CRYBB2: variants seen among roughly 807,000 people sequenced by gnomAD.
CRYBB2 encodes the protein crystallin beta B2.
A neutral mutation model predicts 24.3 loss-of-function variants in CRYBB2; 12 were observed. That is an observed-to-expected ratio of 0.49 (90% CI 0.32 to 0.80). The LOEUF (loss-of-function observed/expected upper bound fraction) is 0.80. CRYBB2 is among the 30% of genes least tolerant of loss of function. The probability of loss-of-function intolerance (pLI) is 0.04; values close to 1 mark genes in which losing one functional copy is unlikely to be tolerated. For missense variants in CRYBB2, 198 were observed against 268.5 expected, an observed-to-expected ratio of 0.74 and a Z score of 1.83; for synonymous variants, 98 against 101.6, an observed-to-expected ratio of 0.96 and a Z score of 0.21.
At chr22:25,218,852 G>GA (rs1419880824), upstream of CRYBB2, among the ~76,000 whole-genome samples, 2 of 146,000 alleles carry the variant, frequency 1.4e-5, no homozygotes, top group African/African-American at 2.6e-5. Flanking sequence ...AAGAAAGAAA[G>GA]AAAGAAAAGA....
chr22:25,226,673 GTTTGT>G (rs763839375), intron 3 of CRYBB2, among the ~76,000 whole-genome samples: 4 of 151,934 alleles, frequency 2.6e-5, no homozygotes, highest in Non-Finnish European at 5.9e-5. Context: ...TTGTTTGTTT[GTTTGT>G]TTTGTTTTGT....
At chr22:25,224,761 C>T (rs1049904869) in intron 2 of CRYBB2, among the ~76,000 whole-genome samples, 157 bp from the exon 3 acceptor site, 1 of 152,142 alleles carries the variant, frequency 6.6e-6, no homozygotes, top group African/African-American at 2.4e-5. Context: ...CTGCTTATAG[C>T]CAGAGCCAGG....
chr22:25,226,186 G>C lies in CRYBB2; in HGVS notation c.173+1150G>C, dbSNP rs1601421310. Among the ~76,000 whole-genome samples the C allele has an allele frequency of 6.6e-5, 10 of 151,868 alleles. No homozygotes were observed. In the South Asian group the frequency reaches 2.1e-3, roughly 32 times the overall value. On this transcript the variant is annotated intron_variant, in intron 3 of 5. Coordinates refer to ENST00000398215, the MANE Select transcript of CRYBB2 (RefSeq NM_000496.3). Reference sequence around the variant, plus strand: ...GATTTCTCTGTGTGTGTGTGTGTGTGTGTGTGTGTGTGTGTGTGTGTATAA... The same window carrying C: ...GATTTCTCTGTGTGTGTGTGTGTGTCTGTGTGTGTGTGTGTGTGTGTATAA...
At chr22:25,217,052 C>T (rs568097021), upstream of CRYBB2, among the ~76,000 whole-genome samples, 6 of 152,184 alleles carry the variant, frequency 3.9e-5, no homozygotes, top group South Asian at 4.2e-4. Context: ...TTCCATCTTT[C>T]GGCTATTGTG....
At position 25,229,437 on chromosome 22, in the gene CRYBB2, A is replaced by G; in HGVS notation, c.308A>G (p.Asp103Gly). Residue 103 changes from aspartate (D) to glycine (G), a missense_variant and splice_region_variant, in exon 5 of 6, where the codon GAC (aspartate) becomes GGC (glycine). Physicochemically the swap from Asp to Gly is moderately conservative, Grantham distance 94 (BLOSUM62 -1). Transcript: ENST00000398215. Reference sequence around the variant, plus strand: ...CTTCCCCCCATCCTCTGCCAATAGGACAGCCAAGAGCACAAGATCATCCTC... The same window carrying G: ...CTTCCCCCCATCCTCTGCCAATAGGGCAGCCAAGAGCACAAGATCATCCTC... ...SLSSLRPIKV[D>G]SQEHKIILYE... 1.2e-6 allele frequency: 2 copies of G among 1,608,578 alleles called. No individual in the cohort carries two copies. The highest frequency in any genetic ancestry group is 1.7e-6 in the Non-Finnish European group (2 of 1,177,448).
intron 2 of CRYBB2, among the ~76,000 whole-genome samples, chr22:25,224,120 T>G: frequency 1.5e-5 from 2 of 130,940 alleles, no homozygotes; most frequent in Admixed American, 7.5e-5. Flanking sequence ...TGAGACTCCG[T>G]CTCAAAAAAA....
At chr22:25,218,736 GGAGAGAGAGAGAGAGA>G (rs71191034), upstream of CRYBB2, among the ~76,000 whole-genome samples, 3 of 35,334 alleles carry the variant, frequency 8.5e-5, no homozygotes, top group East Asian at 2.0e-3. Flanking sequence ...GAGAGAGAGG[GGAGAGAGAGAGAGAGA>G]GAGAGAGAGA....
intron 5 of CRYBB2, among the ~76,000 whole-genome samples, chr22:25,230,914 G>A (rs1935520424): frequency 6.6e-6 from 1 of 152,110 alleles, no homozygotes. Flanking sequence ...CAGGGGTAAA[G>A]AGGCCAAGGA....
chr22:25,222,976 C>T (rs1324340761), intron 2 of CRYBB2, among the ~76,000 whole-genome samples: 1 of 152,078 alleles, frequency 6.6e-6, no homozygotes, highest in Non-Finnish European at 1.5e-5. Context: ...GCTCAGTAGC[C>T]ATATGTTACT....
At chr22:25,219,498 T>C (rs972381312), upstream of CRYBB2, 2 of 152,268 alleles carry the variant, frequency 1.3e-5, no homozygotes, top group Non-Finnish European at 2.9e-5. Context: ...ACAATGTCTG[T>C]GGGCATTTGC....
At chr22:25,231,460 T>C in intron 5 of CRYBB2, 144 bp from the exon 6 acceptor site, 1 of 796,914 alleles carries the variant, frequency 1.3e-6, no homozygotes, top group Non-Finnish European at 2.2e-6. Context: ...GTGTCCTGCT[T>C]ACCCTTGGGA....
Position 25,224,951 on chromosome 22 carries a change from C to CA in CRYBB2, c.89dup (p.His30GlnfsTer4). 6.2e-7 allele frequency: 1 copy of CA among 1,611,264 alleles called. No homozygotes were observed. Among genetic ancestry groups the CA allele is most frequent in the Non-Finnish European group, 8.5e-7 (1 of 1,177,350 alleles). On this transcript the variant is annotated frameshift_variant, in exon 3 of 6. Transcript: ENST00000398215. LOFTEE classifies it high-confidence loss of function. ...CTTTGAGCAGGAAAACTTTCAAGGC[C>CA]ACTCGCATGAGCTCAATGGGCCCTG...
chr22:25,218,802 G>GAAAGAA (rs1569016355), upstream of CRYBB2, among the ~76,000 whole-genome samples: 2 of 110,308 alleles, frequency 1.8e-5, 1 homozygote, highest in African/African-American at 7.7e-5. Flanking sequence ...AAGAAAGAAA[G>GAAAGAA]AAAGAAAGAA....
At chr22:25,216,744 A>G (rs1935174368), upstream of CRYBB2, among the ~76,000 whole-genome samples, 1 of 152,088 alleles carries the variant, frequency 6.6e-6, no homozygotes, top group Non-Finnish European at 1.5e-5. Context: ...CCATCATCCC[A>G]AACAGAAACT....
intron 1 of CRYBB2, among the ~76,000 whole-genome samples, chr22:25,214,414 T>G (rs896289664): frequency 1.3e-5 from 2 of 152,204 alleles, no homozygotes; most frequent in African/African-American, 4.8e-5. Context: ...GGGGACCCTA[T>G]CTGTATTGCT....
chr22:25,217,686 C>T (rs572719553), upstream of CRYBB2, among the ~76,000 whole-genome samples: 30 of 152,256 alleles, frequency 2.0e-4, no homozygotes, highest in African/African-American at 7.0e-4. Flanking sequence ...CATGGTAAAC[C>T]AGGGGGACAA....
At chr22:25,224,098 T>C (rs1265212294) in intron 2 of CRYBB2, among the ~76,000 whole-genome samples, 2 of 137,070 alleles carry the variant, frequency 1.5e-5, no homozygotes, top group Admixed American at 7.8e-5. Flanking sequence ...CACTCCAGCC[T>C]GGGCGACAGA....
chr22:25,231,592 C>A lies in CRYBB2; in HGVS notation c.450-12C>A, dbSNP rs749917905. 5 of 1,614,014 alleles carry A rather than the reference C, an allele frequency of 3.1e-6. No individual in the cohort carries two copies. Among genetic ancestry groups the A allele is most frequent in the Admixed American group, 1.7e-5 (1 of 60,034 alleles). On this transcript the variant is annotated splice_polypyrimidine_tract_variant and intron_variant, in intron 5 of 5. Coordinates refer to ENST00000398215, the MANE Select transcript of CRYBB2 (RefSeq NM_000496.3). ...CCCCTCGTTCACCCTCCCATCACCT[C>A]TGGCCCTGCAGGTGGGTTGGCTACC...
chr22:25,219,417 C>G (rs2013616764), upstream of CRYBB2: 1 of 152,314 alleles, frequency 6.6e-6, no homozygotes, highest in East Asian at 1.9e-4. Context: ...AAGCGGGCAT[C>G]TCCTTGCCCA....
Sources: allele counts gnomAD v4.1 joint callset (sites outside exome capture counted in the v4.1 genomes callset), GRCh38; gene constraint gnomAD v4.1.1; transcripts MANE v1.5; gene names NCBI Gene and HGNC (gene_info 2026-07-23, HGNC 2026-07-21).